The following NCOA7 variants were observed in gnomAD, a reference collection of about 807,000 sequenced individuals.
The protein encoded by NCOA7 is nuclear receptor coactivator 7.
NCOA7 carries 45 observed loss-of-function variants against 104.3 expected under a neutral mutation model. That is an observed-to-expected ratio of 0.43 (90% CI 0.34 to 0.55). NCOA7 has a LOEUF of 0.55. NCOA7 is among the 20% of genes least tolerant of loss of function. The pLI is 0.02. For synonymous variants in NCOA7, 398 were observed against 402.3 expected (o/e 0.99, Z 0.13); for missense variants, 1,041 against 1,119.7 (o/e 0.93, Z 1.00).
At chr6:125,899,883 C>T (rs1785345110) in intron 10 of NCOA7, 2 of 464,170 alleles carry the variant, frequency 4.3e-6, no homozygotes, top group Non-Finnish European at 4.7e-6. Context: ...AAAAAATAAT[C>T]TTCTTTGTAA....
At chr6:125,886,979 GATC>G (rs1444657788) in intron 8 of NCOA7, among the ~76,000 whole-genome samples, 1 of 152,228 alleles carries the variant, frequency 6.6e-6, no homozygotes, top group African/African-American at 2.4e-5. Context: ...AAGGATTGTT[GATC>G]ATCATTAGGT....
At chr6:125,882,732 G>T in intron 7 of NCOA7, 181 bp downstream of exon 7, 1 of 635,454 alleles carries the variant, frequency 1.6e-6, no homozygotes, top group East Asian at 2.9e-5. Flanking sequence ...TGAGGTAAAT[G>T]TTGTCACTGA....
At chr6:125,843,326 G>C (rs1287168345) in intron 2 of NCOA7, among the ~76,000 whole-genome samples, 1 of 152,130 alleles carries the variant, frequency 6.6e-6, no homozygotes, top group African/African-American at 2.4e-5. Flanking sequence ...TAATGGGGAG[G>C]ATGGCCCTGT....
chr6:125,828,552 AAGATGG>A (rs1296516602), intron 2 of NCOA7, among the ~76,000 whole-genome samples: 4 of 152,170 alleles, frequency 2.6e-5, no homozygotes, highest in Non-Finnish European at 4.4e-5. Flanking sequence ...TGAGTTTTTG[AAGATGG>A]AAGAGGAAGA....
intron 2 of NCOA7, among the ~76,000 whole-genome samples, chr6:125,829,048 A>G (rs1378993632): frequency 6.6e-6 from 1 of 152,270 alleles, no homozygotes; most frequent in South Asian, 2.1e-4. Flanking sequence ...ATTCTCTTCC[A>G]TAAGAGAATT....
At position 125,889,281 on chromosome 6, in the gene NCOA7, T is replaced by C. The variant is rs750818848; in HGVS notation, c.1227T>C (p.Phe409=). The C allele has an allele frequency of 1.2e-6, 2 of 1,614,086 alleles. No homozygotes were observed. The highest frequency in any genetic ancestry group is 8.5e-7 in the Non-Finnish European group (1 of 1,179,996). ...SAFESTAKEN[F]LGEDDDFVDL... is the part of the protein sequence containing the mutation. Reference sequence around the variant, plus strand: ...TTGAATCTACAGCCAAAGAAAACTTTCTAGGGGAAGATGATGATTTTGTTG... The same window carrying C: ...TTGAATCTACAGCCAAAGAAAACTTCCTAGGGGAAGATGATGATTTTGTTG... The change falls in exon 9 of 16, where the codon TTT becomes TTC. Residue 409 remains phenylalanine (F), a synonymous_variant. Transcript: ENST00000392477.
intron 10 of NCOA7, among the ~76,000 whole-genome samples, chr6:125,893,420 TTCTC>T (rs1351311571): frequency 1.3e-5 from 2 of 152,358 alleles, no homozygotes; most frequent in South Asian, 2.1e-4. Flanking sequence ...TGTTTCACTG[TTCTC>T]TCTATTGTTC....
chr6:125,855,840 T>C (rs193173444), intron 3 of NCOA7, among the ~76,000 whole-genome samples: 2 of 152,104 alleles, frequency 1.3e-5, no homozygotes, highest in East Asian at 3.9e-4. Context: ...CCCACCACCA[T>C]GCCCGGCTAA....
intron 2 of NCOA7, among the ~76,000 whole-genome samples, chr6:125,819,129 G>A (rs1777900298): frequency 6.6e-6 from 1 of 152,010 alleles, no homozygotes; most frequent in Non-Finnish European, 1.5e-5. Context: ...TTTTCCTCCT[G>A]AGTAGTTAAA....
chr6:125,875,633 T>G (rs1209222036), intron 4 of NCOA7: 3 of 152,224 alleles, frequency 2.0e-5, no homozygotes, highest in African/African-American at 7.2e-5. Context: ...CTTCTGTGAT[T>G]TTTCCAGCCA....
intron 8 of NCOA7, among the ~76,000 whole-genome samples, chr6:125,888,151 A>G (rs140349278): frequency 7.9e-5 from 12 of 152,352 alleles, no homozygotes; most frequent in African/African-American, 2.6e-4. Flanking sequence ...ACTGCATCCC[A>G]GGACAATATG....
intron 8 of NCOA7, among the ~76,000 whole-genome samples, chr6:125,887,667 C>G (rs555247634): frequency 6.6e-6 from 1 of 152,280 alleles, no homozygotes; most frequent in South Asian, 2.1e-4. Flanking sequence ...CTTCCTGGTA[C>G]TTTGTTGCTT....
chr6:125,888,105 G>A (rs1784382849), intron 8 of NCOA7, among the ~76,000 whole-genome samples: 1 of 151,948 alleles, frequency 6.6e-6, no homozygotes, highest in Non-Finnish European at 1.5e-5. Context: ...TTCCGATCTG[G>A]GAAGTAAAGC....
intron 4 of NCOA7, 72 bp downstream of exon 4, chr6:125,875,040 TCCTGCCC>T: frequency 4.3e-6 from 5 of 1,159,676 alleles, no homozygotes; most frequent in Non-Finnish European, 5.2e-6. Flanking sequence ...CCCTGACACA[TCCTGCCC>T]CTTGGCTGCA....
intron 3 of NCOA7, among the ~76,000 whole-genome samples, chr6:125,858,267 T>C (rs1781754771): frequency 6.6e-6 from 1 of 152,158 alleles, no homozygotes; most frequent in South Asian, 2.1e-4. Flanking sequence ...TGTTGGAGTT[T>C]CAAGAAAACT....
In NCOA7 at chr6:125,870,890, C is replaced by T. The variant is rs545351096; in HGVS notation, c.272-3999C>T. ...AACACAGGTACCCCATTCTTCCTCC[C>T]CATTCCAGCTCTTACCTCCAGGATT... On this transcript the variant is annotated intron_variant, in intron 3 of 15. Transcript: ENST00000392477. Among the ~76,000 whole-genome samples the T allele has an allele frequency of 5.3e-5, 8 of 152,284 alleles. No homozygotes were observed. The South Asian group carries it at 1.7e-3, about 32-fold the overall frequency.
At chr6:125,834,181 T>C (rs1351706388) in intron 2 of NCOA7, among the ~76,000 whole-genome samples, 3 of 152,204 alleles carry the variant, frequency 2.0e-5, no homozygotes, top group African/African-American at 7.2e-5. Flanking sequence ...AAATATTTGG[T>C]TTTAACCATA....
intron 2 of NCOA7, among the ~76,000 whole-genome samples, chr6:125,840,867 G>GTTTTTTTTTTTTTTTTTTTTTTTTT (rs1305583308): frequency 2.0e-5 from 1 of 50,658 alleles, no homozygotes; most frequent in Non-Finnish European, 3.8e-5. Context: ...TTGTTTGGTT[G>GTTTTTTTTTTTTTTTTTTTTTTTTT]GTTTTTTTTT....
rs1376258445 is a variant in NCOA7 at position 125,863,477 on chromosome 6, T to TA, written c.271+8243dup. Among the ~76,000 whole-genome samples the TA allele has an allele frequency of 2.9e-5, 4 of 138,222 alleles. 1 individual carries two copies. Among genetic ancestry groups the TA allele is most frequent in the African/African-American group, 9.1e-5 (3 of 33,142 alleles). The allele number at this position is 138,222 out of a possible 152,430, so 90.7% of individuals were successfully genotyped here. On this transcript the variant is annotated intron_variant, in intron 3 of 15. Transcript: ENST00000392477. The stretch of plus-strand genomic sequence containing the variant: ...TGTCTTGTTATATTCACTTGCATTA[T>TA]AAAAAATCTCATTGTAAGAGAAATG...
Sources: allele counts gnomAD v4.1 joint callset (sites outside exome capture counted in the v4.1 genomes callset), GRCh38; gene constraint gnomAD v4.1.1; transcripts MANE v1.5; gene names NCBI Gene and HGNC (gene_info 2026-07-23, HGNC 2026-07-21).